The following DNAI2 variants were observed in gnomAD, a reference collection of about 807,000 sequenced individuals.
DNAI2 encodes dynein axonemal intermediate chain 2.
Under a neutral mutation model 74.7 loss-of-function variants are expected in DNAI2, and 63 were observed. That is an observed-to-expected ratio of 0.84 (90% CI 0.69 to 1.04). The LOEUF is 1.04. Among genes scored for constraint, DNAI2 ranks in the 50% least tolerant of loss-of-function variants. The pLI is 0.00. For synonymous variants in DNAI2, 289 were observed against 314.9 expected (o/e 0.92, Z 0.87); for missense variants, 688 against 803.2 (o/e 0.86, Z 1.73).
At chr17:74,274,840 G>A (rs976885322) in intron 1 of DNAI2, among the ~76,000 whole-genome samples, 1 of 152,170 alleles carries the variant, frequency 6.6e-6, no homozygotes, top group Non-Finnish European at 1.5e-5. Flanking sequence ...CCTCAACCTG[G>A]GAGCTGGCGT....
intron 5 of DNAI2, among the ~76,000 whole-genome samples, chr17:74,290,782 G>T (rs980466630): frequency 6.6e-6 from 1 of 152,214 alleles, no homozygotes; most frequent in African/African-American, 2.4e-5. Context: ...ACACACATAC[G>T]CACACCCCAA....
intron 6 of DNAI2, among the ~76,000 whole-genome samples, chr17:74,295,339 T>G (rs746463932): frequency 1.3e-5 from 2 of 151,816 alleles, no homozygotes; most frequent in Non-Finnish European, 2.9e-5. Flanking sequence ...GAGGCAGAGG[T>G]TGCAGTAAGT....
chr17:74,289,855 G>C (rs1458831078), intron 5 of DNAI2, 119 bp downstream of exon 5: 1 of 1,278,948 alleles, frequency 7.8e-7, no homozygotes, highest in Non-Finnish European at 1.1e-6. Context: ...TGCCTCAAGG[G>C]AAGGGCCCGC....
At position 74,289,673 on chromosome 17, in the gene DNAI2, T is replaced by G. The variant is rs774441527; in HGVS notation, c.547T>G (p.Ser183Ala). The change falls in exon 5 of 14, where the codon TCC (serine) becomes GCC (alanine). Residue 183 changes from serine to alanine, a missense_variant. Coordinates refer to ENST00000311014, the MANE Select transcript of DNAI2 (RefSeq NM_023036.6). The part of the protein sequence containing the change: ...DGNRKLAVAY[S>A]CLDFQRAPVG... ...CAACAGGAAGTTGGCAGTGGCATACTCCTGCTTGGATTTTCAGCGGGCACC... is the reference window on the plus strand; with the variant it reads ...CAACAGGAAGTTGGCAGTGGCATACGCCTGCTTGGATTTTCAGCGGGCACC... 5.6e-6 allele frequency: 9 copies of G among 1,613,976 alleles called. No homozygotes were observed. Among genetic ancestry groups the G allele is most frequent in the Non-Finnish European group, 7.6e-6 (9 of 1,180,046 alleles).
In DNAI2 at chr17:74,289,696, A is replaced by G; in HGVS notation, c.570A>G (p.Ala190=). 2 of 1,614,018 alleles carry G rather than the reference A, an allele frequency of 1.2e-6. No homozygotes were observed. Among genetic ancestry groups the G allele is most frequent in the Non-Finnish European group, 8.5e-7 (1 of 1,180,018 alleles). Residue 190 remains alanine (A), a synonymous_variant, in exon 5 of 14, where the codon GCA becomes GCG. Transcript: ENST00000311014. ...ACTCCTGCTTGGATTTTCAGCGGGC[A>G]CCTGTGGGCATGAGCAGCGATTCAT... ...VAYSCLDFQR[A]PVGMSSDSYI...
intron 6 of DNAI2, among the ~76,000 whole-genome samples, chr17:74,291,606 C>T (rs2052104478): frequency 1.3e-5 from 2 of 152,214 alleles, no homozygotes; most frequent in Admixed American, 1.3e-4. Context: ...GCAGGTTTGG[C>T]TGACACCTCA....
chr17:74,297,291 A>G (rs9913670), intron 6 of DNAI2, among the ~76,000 whole-genome samples: 50,637 of 149,656 alleles, frequency 0.34, 9,140 homozygotes, highest in Non-Finnish European at 0.43. Flanking sequence ...ACGGGGTTTC[A>G]CTGTGTTAGC....
At chr17:74,294,742 C>A (rs2052335011) in intron 6 of DNAI2, among the ~76,000 whole-genome samples, 1 of 152,156 alleles carries the variant, frequency 6.6e-6, no homozygotes, top group Non-Finnish European at 1.5e-5. Context: ...GAGTTTATCC[C>A]ACTTGGAATT....
intron 2 of DNAI2, 127 bp from the exon 3 acceptor site, chr17:74,284,913 T>C (rs1345438781): frequency 1.5e-5 from 18 of 1,212,218 alleles, no homozygotes; most frequent in Non-Finnish European, 2.0e-5. Flanking sequence ...TTGAAAATAC[T>C]GTGGCTCCGG....
rs375896715 is a variant in DNAI2, at chr17:74,305,396, C to T, written c.1165C>T (p.Arg389Cys). Reference sequence around the variant, plus strand: ...CCTGACGGTTGGCGACTGGACAGCCCGCATTTGGTCTGAAGACAGCCGGGA... The same window carrying T: ...CCTGACGGTTGGCGACTGGACAGCCTGCATTTGGTCTGAAGACAGCCGGGA... The part of the protein sequence containing the change: ...NFLTVGDWTA[R>C]IWSEDSRESS... Residue 389 changes from arginine to cysteine, a missense_variant, in exon 9 of 14, where the codon CGC becomes TGC. Arg to Cys is a radical substitution (Grantham distance 180, BLOSUM62 -3). Coordinates refer to ENST00000311014, the MANE Select transcript of DNAI2 (RefSeq NM_023036.6). 3.6e-5 allele frequency: 58 copies of T among 1,614,016 alleles called. No homozygotes were observed. Among genetic ancestry groups the T allele is most frequent in the Admixed American group, 5.0e-5 (3 of 59,996 alleles).
In DNAI2 at chr17:74,278,217, C is replaced by T. The variant is rs921633852; in HGVS notation, c.-11-3590C>T. ...GGCTGAGGCAGGAGGATCACTTGAG[C>T]CCAGGAGTTTGAGACAAGCCTGGGC... is the stretch of plus-strand genomic sequence containing the variant. On this transcript the variant is annotated intron_variant, in intron 1 of 13. Coordinates refer to ENST00000311014, the MANE Select transcript of DNAI2 (RefSeq NM_023036.6). Among the ~76,000 whole-genome samples, 14 of 152,108 alleles carry T rather than the reference C, an allele frequency of 9.2e-5. No homozygotes were observed. In the East Asian group the frequency reaches 2.5e-3, roughly 27 times the overall value.
rs1266795512 is a variant in DNAI2 at position 74,300,055 on chromosome 17, T to C, written c.864+198T>C. Among the ~76,000 whole-genome samples the C allele has an allele frequency of 1.3e-5, 2 of 152,178 alleles. No individual in the cohort carries two copies. Among genetic ancestry groups the C allele is most frequent in the East Asian group, 3.8e-4 (2 of 5,200 alleles). The stretch of plus-strand genomic sequence containing the variant: ...CCTCTGCCTCCCGGGTTCAAGCAAT[T>C]CTCCTGCCTCAGCCTCCCAAGTAGC... On this transcript the variant is annotated intron_variant, in intron 7 of 13. Coordinates refer to ENST00000311014, the MANE Select transcript of DNAI2 (RefSeq NM_023036.6). The surrounding 1 kb of genome is among the most constrained non-coding windows in gnomAD (Gnocchi z 4.5).
chr17:74,278,860 A>C (rs1369607614), intron 1 of DNAI2, among the ~76,000 whole-genome samples: 1 of 152,178 alleles, frequency 6.6e-6, no homozygotes, highest in Non-Finnish European at 1.5e-5. Context: ...GCAATAACTT[A>C]ATTGTACATT....
At chr17:74,307,938 C>T (rs921412355) in intron 9 of DNAI2, among the ~76,000 whole-genome samples, 3 of 151,916 alleles carry the variant, frequency 2.0e-5, no homozygotes, top group Non-Finnish European at 4.4e-5. Context: ...GCTGGGATTA[C>T]AGGCGCCCAC....
chr17:74,314,442 G>T lies in DNAI2; in HGVS notation c.*56-147G>T, dbSNP rs1014715982. 2.1e-4 allele frequency: 171 copies of T among 825,740 alleles called. No homozygotes were observed. The African/African-American group carries it at 2.6e-3, about 13-fold the overall frequency. 51.2% of individuals were successfully genotyped at this position (825,740 alleles called of 1,614,324 possible). ...CCCTTGGAGAGAGGGAAGGGGCGGG[G>T]CTTGTCCCGGAGCTGGCTGCCCCAT... On this transcript the variant is annotated intron_variant, in intron 13 of 13. Coordinates refer to ENST00000311014, the MANE Select transcript of DNAI2 (RefSeq NM_023036.6).
chr17:74,282,116 C>T, intron 2 of DNAI2, 116 bp downstream of exon 2: 2 of 1,221,308 alleles, frequency 1.6e-6, no homozygotes, highest in South Asian at 1.3e-5. Flanking sequence ...TTAGAGTAGA[C>T]CAAATGCAGA....
At chr17:74,301,775 C>T (rs913741823) in intron 8 of DNAI2, among the ~76,000 whole-genome samples, 25 of 135,916 alleles carry the variant, frequency 1.8e-4, no homozygotes, top group Admixed American at 5.2e-4. Flanking sequence ...ATAATGAGAC[C>T]CCCCCCACCG....
intron 1 of DNAI2, among the ~76,000 whole-genome samples, chr17:74,275,126 C>G (rs901444509): frequency 2.0e-5 from 3 of 152,178 alleles, no homozygotes; most frequent in African/African-American, 7.2e-5. Context: ...TGACAGGAGT[C>G]TTGGGCCCCT....
intron 11 of DNAI2, 144 bp downstream of exon 11, chr17:74,310,307 C>T: frequency 8.0e-7 from 1 of 1,247,064 alleles, no homozygotes; most frequent in Non-Finnish European, 1.1e-6. Context: ...AGTGTGGGCT[C>T]CATAAATAGG....
Sources: gnomAD v4.1 joint callset for allele counts (sites outside exome capture counted in the v4.1 genomes callset) on GRCh38, gnomAD v4.1.1 for gene constraint, Gnocchi (gnomAD v3.1) non-coding constraint, MANE v1.5 for transcripts, NCBI Gene and HGNC (gene_info 2026-07-23, HGNC 2026-07-21) for gene names.